The following UTP20 variants were observed in gnomAD, a reference collection of about 807,000 sequenced individuals.
UTP20 encodes the protein UTP20 small subunit processome component, also known as small subunit processome component 20 homolog.
Under a neutral mutation model 329.5 loss-of-function variants are expected in UTP20, and 164 were observed. The ratio of observed to expected loss-of-function variants is 0.50; its 90% CI spans 0.44 to 0.57. The LOEUF (loss-of-function observed/expected upper bound fraction) is 0.57, where lower values mean the gene tolerates loss of function less well. UTP20 is among the 20% of genes least tolerant of loss of function. UTP20 has a pLI of 0.00. For synonymous variants in UTP20, 1,151 were observed against 1,159.3 expected (o/e 0.99, Z 0.14); for missense variants, 3,055 against 3,284.2 (o/e 0.93, Z 1.71).
rs753229960 is a variant in UTP20, at chr12:101,285,597, C to T, written c.154C>T (p.Leu52=). The T allele has an allele frequency of 6.2e-7, 1 of 1,613,748 alleles. No individual in the cohort carries two copies. The highest frequency in any genetic ancestry group is 8.5e-7 in the Non-Finnish European group (1 of 1,179,824). The change falls in exon 3 of 62, where the codon CTG becomes TTG. Residue 52 remains leucine, a synonymous_variant. Coordinates refer to ENST00000261637, the MANE Select transcript of UTP20 (RefSeq NM_014503.3). ...GGTTGAAACCTACTTTTTTGAGGGT[C>T]TGCTGAAATGGAGAGAATTAAACCT... ...EEVETYFFEG[L]LKWRELNLTE...
rs563236308 is a variant in UTP20 at position 101,376,754 on chromosome 12, A to T, written c.7396+998A>T. 2.0e-5 allele frequency among the ~76,000 whole-genome samples: 3 copies of T among 152,256 alleles called. No individual in the cohort carries two copies. The East Asian group carries it at 5.8e-4, about 29-fold the overall frequency. On this transcript the variant is annotated intron_variant, in intron 56 of 61. Transcript: ENST00000261637. ...CTCCTCCGCCTTCCGGATTCAAGTGATTCTTCCGCCTCAGCCTCCCAAGTA... is the reference window on the plus strand; with the variant it reads ...CTCCTCCGCCTTCCGGATTCAAGTGTTTCTTCCGCCTCAGCCTCCCAAGTA...
At chr12:101,382,018 CAAAAA>C (rs756789889) in intron 58 of UTP20, among the ~76,000 whole-genome samples, 2 of 107,322 alleles carry the variant, frequency 1.9e-5, no homozygotes, top group African/African-American at 3.8e-5. Context: ...GACTCTGTAT[CAAAAA>C]AAAAAAAAAA....
Position 101,383,563 on chromosome 12 carries a change from C to T in UTP20, c.7950C>T (p.Phe2650=), listed in dbSNP as rs750966845. The T allele has an allele frequency of 6.8e-6, 11 of 1,613,192 alleles. No homozygotes were observed. The Admixed American group carries it at 1.3e-4, about 20-fold the overall frequency. ...NPLKRTCIFK[F]LGAVAMDLGI... ...TTCAGAGAACATGCATCTTTAAGTT[C>T]CTCGGCGCCGTAGCAATGGATCTTG... The change falls in exon 60 of 62, where the codon TTC becomes TTT. Residue 2650 remains phenylalanine, a synonymous_variant. Coordinates refer to ENST00000261637, the MANE Select transcript of UTP20 (RefSeq NM_014503.3).
intron 21 of UTP20, among the ~76,000 whole-genome samples, chr12:101,313,415 T>G (rs1442413329): frequency 6.6e-6 from 1 of 151,904 alleles, no homozygotes; most frequent in Non-Finnish European, 1.5e-5. Flanking sequence ...GCTCTTACTT[T>G]TGGTGAAATG....
chr12:101,302,319 T>C, intron 14 of UTP20, 129 bp from the exon 15 acceptor site: 1 of 621,764 alleles, frequency 1.6e-6, no homozygotes. Context: ...TGACAGACAA[T>C]TCTTTGGAAG....
chr12:101,352,246 T>C (rs749378277), intron 39 of UTP20, 52 bp downstream of exon 39: 2 of 1,556,002 alleles, frequency 1.3e-6, no homozygotes, highest in East Asian at 2.2e-5. Flanking sequence ...AATTTATGGC[T>C]GCATAGTATT....
At chr12:101,372,139 T>C (rs1479994315) in intron 51 of UTP20, among the ~76,000 whole-genome samples, 2 of 152,238 alleles carry the variant, frequency 1.3e-5, no homozygotes, top group Admixed American at 6.5e-5. Context: ...GCATGACCTC[T>C]GTTTACAGGT....
At position 101,299,096 on chromosome 12, in the gene UTP20, T is replaced by C. The variant is rs571007018; in HGVS notation, c.1431-586T>C. Among the ~76,000 whole-genome samples the C allele has an allele frequency of 2.6e-5, 4 of 152,246 alleles. No individual in the cohort carries two copies. In the East Asian group the frequency reaches 7.7e-4, roughly 29 times the overall value. ...TCAAATAGGACCGAGGTGTAGTACA[T>C]TGGCAAAAATAAAAAGAGGCTAACA... On this transcript the variant is annotated intron_variant, in intron 12 of 61. Coordinates refer to ENST00000261637, the MANE Select transcript of UTP20 (RefSeq NM_014503.3).
At chr12:101,287,163 C>T (rs1308070963) in intron 5 of UTP20, among the ~76,000 whole-genome samples, 1 of 152,070 alleles carries the variant, frequency 6.6e-6, no homozygotes, top group Non-Finnish European at 1.5e-5. Context: ...GTCATCAGCC[C>T]CTTACCCCAC....
At chr12:101,322,920 TCAA>T (rs1490376149) in intron 25 of UTP20, among the ~76,000 whole-genome samples, 1 of 152,138 alleles carries the variant, frequency 6.6e-6, no homozygotes, top group Non-Finnish European at 1.5e-5. Flanking sequence ...AAAATAACTA[TCAA>T]CTTTATAATC....
At chr12:101,367,108 T>C (rs897361397) in intron 47 of UTP20, among the ~76,000 whole-genome samples, 1 of 151,862 alleles carries the variant, frequency 6.6e-6, no homozygotes, top group Non-Finnish European at 1.5e-5. Context: ...AGCAAGACTC[T>C]ATCTCTACAA....
intron 27 of UTP20, 134 bp from the exon 28 acceptor site, chr12:101,333,166 TA>T: frequency 2.4e-6 from 2 of 835,444 alleles, no homozygotes; most frequent in Non-Finnish European, 1.8e-6. Flanking sequence ...TGTTCCCATG[TA>T]AATCAAGTCA....
At position 101,370,778 on chromosome 12, in the gene UTP20, G is replaced by A. The variant is rs1350769266; in HGVS notation, c.6687+215G>A. Among the ~76,000 whole-genome samples, 7 of 152,270 alleles carry A rather than the reference G, an allele frequency of 4.6e-5. No homozygotes were observed. In the East Asian group the frequency reaches 1.2e-3, roughly 25 times the overall value. ...TGTATTAACATTTCCGGGGAATTCT[G>A]TACAAATACAGGTATTCTGTTTTTA... On this transcript the variant is annotated intron_variant, in intron 50 of 61. Transcript: ENST00000261637.
chr12:101,345,359 G>T (rs1277057666), intron 36 of UTP20, among the ~76,000 whole-genome samples, 195 bp from the exon 37 acceptor site: 2 of 151,658 alleles, frequency 1.3e-5, no homozygotes, highest in Non-Finnish European at 2.9e-5. Context: ...GCTGATTTTT[G>T]TATTTTTTGT....
intron 21 of UTP20, among the ~76,000 whole-genome samples, chr12:101,313,973 G>A (rs761925737): frequency 3.9e-5 from 6 of 152,272 alleles, no homozygotes; most frequent in Middle Eastern, 3.4e-3. Context: ...CAAAGCTCAA[G>A]GGAAAGGTTT....
intron 25 of UTP20, among the ~76,000 whole-genome samples, chr12:101,326,262 A>G (rs1049993442): frequency 2.0e-5 from 3 of 152,184 alleles, no homozygotes; most frequent in Non-Finnish European, 2.9e-5. Flanking sequence ...CTATAGTTAC[A>G]AATGTTGTAT....
In UTP20 at chr12:101,302,390, A is replaced by C. The variant is rs191359915; in HGVS notation, c.1676-58A>C. On this transcript the variant is annotated intron_variant, in intron 14 of 61. Coordinates refer to ENST00000261637, the MANE Select transcript of UTP20 (RefSeq NM_014503.3). ...AAGTATTCAATAAATAAGGTGTTTG[A>C]TAGTTAATAATGTCAAAGAAATAAG... 2.0e-5 allele frequency: 21 copies of C among 1,026,466 alleles called. No individual in the cohort carries two copies. In the East Asian group the frequency reaches 5.2e-4, roughly 25 times the overall value. The allele number at this position is 1,026,466 out of a possible 1,614,324, so 63.6% of individuals were successfully genotyped here. A position where few individuals can be genotyped will look rare whatever the true frequency, so the allele number is the denominator to read the frequency against.
chr12:101,376,427 C>G (rs536376479), intron 56 of UTP20, among the ~76,000 whole-genome samples: 5 of 152,224 alleles, frequency 3.3e-5, no homozygotes, highest in African/African-American at 1.2e-4. Flanking sequence ...TTAGACAAAT[C>G]TAGATGGTAT....
At chr12:101,345,032 G>A (rs563651563) in intron 36 of UTP20, among the ~76,000 whole-genome samples, 53 of 126,170 alleles carry the variant, frequency 4.2e-4, no homozygotes, top group African/African-American at 1.4e-3. Context: ...TGCAACCTCC[G>A]CCTCCCGGGT....
Sources: gnomAD v4.1 joint callset for allele counts (sites outside exome capture counted in the v4.1 genomes callset) on GRCh38, gnomAD v4.1.1 for gene constraint, MANE v1.5 for transcripts, NCBI Gene and HGNC (gene_info 2026-07-23, HGNC 2026-07-21) for gene names.